Variants in TENM2 observed in about 807,000 individuals in gnomAD.
TENM2 encodes teneurin-2.
TENM2 carries 52 observed loss-of-function variants against 245.2 expected under a neutral mutation model. The observed-to-expected ratio is 0.21, with a 90% confidence interval of 0.17 to 0.27. The LOEUF (loss-of-function observed/expected upper bound fraction) is 0.27. Ranked by LOEUF, TENM2 falls within the 10% of genes least tolerant of loss-of-function variation. The pLI is 1.00. For synonymous variants in TENM2, 1,363 were observed against 1,438.9 expected (o/e 0.95, Z 1.19); for missense variants, 3,046 against 3,666.8 (o/e 0.83, Z 4.37).
intron 1 of TENM2, among the ~76,000 whole-genome samples, chr5:167,332,754 A>G (rs1410045760): frequency 6.6e-6 from 1 of 152,236 alleles, no homozygotes; most frequent in Non-Finnish European, 1.5e-5. Context: ...AAGACTGAAC[A>G]TCTGAGTACT....
chr5:167,357,426 G>A (rs999987418), intron 1 of TENM2, among the ~76,000 whole-genome samples: 2 of 151,734 alleles, frequency 1.3e-5, no homozygotes, highest in Non-Finnish European at 2.9e-5. Flanking sequence ...GGGATTACAG[G>A]CATGTGCCAC....
At chr5:168,100,924 T>TAA (rs11307488) in intron 9 of TENM2, among the ~76,000 whole-genome samples, 2,509 of 138,446 alleles carry the variant, frequency 0.018, 44 homozygotes, top group African/African-American at 0.045. Context: ...CAAGTATAAT[T>TAA]AAAAAAAAAA....
At chr5:167,187,010 C>T in the TENM2 span, among the ~76,000 whole-genome samples, 1 of 152,170 alleles carries the variant, frequency 6.6e-6, no homozygotes, top group African/African-American at 2.4e-5. Flanking sequence ...TTCTCCTCTC[C>T]ACCCGCCATG....
intron 2 of TENM2, among the ~76,000 whole-genome samples, chr5:167,385,419 T>G (rs1046085157): frequency 2.0e-5 from 3 of 152,066 alleles, no homozygotes; most frequent in African/African-American, 7.2e-5. Context: ...TAATTTTTCT[T>G]TCTCATTACA....
intron 2 of TENM2, among the ~76,000 whole-genome samples, chr5:167,813,138 G>T (rs1415795906): frequency 6.6e-6 from 1 of 152,098 alleles, no homozygotes; most frequent in Non-Finnish European, 1.5e-5. Context: ...TGCTGGGGGT[G>T]GAAGCTCTGT....
intron 2 of TENM2, among the ~76,000 whole-genome samples, chr5:167,707,206 T>C (rs1255843457): frequency 6.6e-6 from 1 of 152,078 alleles, no homozygotes; most frequent in East Asian, 1.9e-4. Flanking sequence ...CATTTGTATG[T>C]CTTCTTTGGA....
At chr5:167,067,349 G>A in the TENM2 span, among the ~76,000 whole-genome samples, 17 of 152,142 alleles carry the variant, frequency 1.1e-4, no homozygotes, top group South Asian at 2.9e-3. Flanking sequence ...CTTTGTCACA[G>A]ATCCTGCATT....
At chr5:167,610,475 G>T (rs1446101657) in intron 2 of TENM2, among the ~76,000 whole-genome samples, 1 of 152,014 alleles carries the variant, frequency 6.6e-6, no homozygotes, top group Non-Finnish European at 1.5e-5. Flanking sequence ...AAACAATCTA[G>T]GGGCCCCCTA....
At chr5:166,983,246 A>C in the TENM2 span, among the ~76,000 whole-genome samples, 1 of 152,106 alleles carries the variant, frequency 6.6e-6, no homozygotes, top group Admixed American at 6.6e-5. Flanking sequence ...ACTGCAGTCT[A>C]TTTAATATAT....
At chr5:167,098,053 T>A in the TENM2 span, among the ~76,000 whole-genome samples, 56 of 152,218 alleles carry the variant, frequency 3.7e-4, 1 homozygote, top group Admixed American at 3.7e-3. Context: ...GTCGTGCATT[T>A]CTATACCAAG....
chr5:167,718,826 C>G (rs923306300), intron 2 of TENM2, among the ~76,000 whole-genome samples: 7 of 151,536 alleles, frequency 4.6e-5, no homozygotes, highest in African/African-American at 1.7e-4. Flanking sequence ...TCTGACATAT[C>G]ATTTAACCTC....
intron 3 of TENM2, among the ~76,000 whole-genome samples, chr5:167,951,629 A>G (rs1780110737): frequency 6.6e-6 from 1 of 152,178 alleles, no homozygotes; most frequent in South Asian, 2.1e-4. Flanking sequence ...AAAAAAACGC[A>G]GGATGCAATT....
chr5:167,578,533 C>T (rs1289419368), intron 2 of TENM2, among the ~76,000 whole-genome samples: 2 of 152,158 alleles, frequency 1.3e-5, no homozygotes, highest in Admixed American at 6.5e-5. Context: ...AAAACCTTCA[C>T]CATTCGTTGG....
At chr5:168,221,857 A>G (rs1763698584) in intron 23 of TENM2, among the ~76,000 whole-genome samples, 2 of 152,200 alleles carry the variant, frequency 1.3e-5, no homozygotes, top group South Asian at 2.1e-4. Flanking sequence ...TGTGGAGTCC[A>G]TCTCTGCCAC....
At chr5:167,017,437 A>G in the TENM2 span, among the ~76,000 whole-genome samples, 2 of 152,200 alleles carry the variant, frequency 1.3e-5, no homozygotes, top group Non-Finnish European at 2.9e-5. Context: ...TTTTGTCCCA[A>G]ATAACTGCTC....
intron 22 of TENM2, 146 bp from the exon 25 acceptor site, chr5:168,217,979 G>C: frequency 1.3e-6 from 1 of 768,570 alleles, no homozygotes; most frequent in African/African-American, 1.8e-5. Context: ...GCAATGAGCA[G>C]CTGGTTCAAT....
At chr5:167,058,057 A>G in the TENM2 span, among the ~76,000 whole-genome samples, 1 of 152,098 alleles carries the variant, frequency 6.6e-6, no homozygotes, top group Non-Finnish European at 1.5e-5. Flanking sequence ...ATATACCTAC[A>G]AGTCTTTTAA....
chr5:168,081,217 G>A (rs1400829681), intron 7 of TENM2, among the ~76,000 whole-genome samples: 1 of 152,014 alleles, frequency 6.6e-6, no homozygotes, highest in Non-Finnish European at 1.5e-5. Flanking sequence ...ATCTTTGTTG[G>A]TTTAAAGTCT....
chr5:168,133,719 C>T (rs528803149), intron 12 of TENM2, among the ~76,000 whole-genome samples: 1 of 152,342 alleles, frequency 6.6e-6, no homozygotes, highest in Admixed American at 6.5e-5. Flanking sequence ...CATTGAAAAA[C>T]TTCCTTGCAT....
Sources: gnomAD v4.1 joint callset for allele counts (sites outside exome capture counted in the v4.1 genomes callset) on GRCh38, gnomAD v4.1.1 for gene constraint, MANE v1.5 for transcripts, NCBI Gene and HGNC (gene_info 2026-07-23, HGNC 2026-07-21) for gene names.